Variants in GBP7 observed in about 807,000 individuals in gnomAD.
The protein encoded by GBP7 is guanylate-binding protein 7.
GBP7 carries 43 observed loss-of-function variants against 61.3 expected under a neutral mutation model. That is an observed-to-expected ratio of 0.70 (90% CI 0.55 to 0.91). GBP7 has a LOEUF of 0.91. Among genes scored for constraint, GBP7 ranks in the 40% least tolerant of loss-of-function variants. The probability of loss-of-function intolerance (pLI) is 0.00; values close to 1 mark genes in which losing one functional copy is unlikely to be tolerated. For missense variants in GBP7, 717 were observed against 740.5 expected, an observed-to-expected ratio of 0.97 and a Z score of 0.37; for synonymous variants, 267 against 271.0, an observed-to-expected ratio of 0.99 and a Z score of 0.14.
chr1:89,142,528 G>C (rs1681977745), intron 8 of GBP7, among the ~76,000 whole-genome samples: 1 of 152,192 alleles, frequency 6.6e-6, no homozygotes, highest in Admixed American at 6.6e-5. Context: ...TGGGATTATA[G>C]GTGTGAGCCA....
chr1:89,133,319 ATCT>A lies in GBP7; in HGVS notation c.1598_1600del (p.Lys533del). The A allele has an allele frequency of 1.2e-6, 2 of 1,613,652 alleles. No homozygotes were observed. Among genetic ancestry groups the A allele is most frequent in the African/African-American group, 1.3e-5 (1 of 74,896 alleles). Reference sequence around the variant, plus strand: ...CATATAGTTTTCCCTTTCCCTCTCCATCTTCTTCTTGAGTTGAGCTATGTTTTC... The same window carrying A: ...CATATAGTTTTCCCTTTCCCTCTCCATCTTCTTGAGTTGAGCTATGTTTTC... On this transcript the variant is annotated inframe_deletion, in exon 10 of 11. Transcript: ENST00000294671.
Position 89,132,406 on chromosome 1 carries a change from AT to A in GBP7, c.1663-4del. 1 of 1,575,048 alleles carries A rather than the reference AT, an allele frequency of 6.3e-7. No individual in the cohort carries two copies. The highest frequency in any genetic ancestry group is 1.2e-5 in the South Asian group (1 of 84,736). On this transcript the variant is annotated splice_region_variant and splice_polypyrimidine_tract_variant and intron_variant, in intron 10 of 10. Coordinates refer to ENST00000294671, the MANE Select transcript of GBP7 (RefSeq NM_207398.3). The stretch of plus-strand genomic sequence containing the variant: ...TCAGTAAGCAGTTCTTCTAGGACCT[AT>A]AAAAGTAAAAGAGCCTACTTTTGAA...
Position 89,132,414 on chromosome 1 carries a change from A to G in GBP7, c.1663-11T>C. On this transcript the variant is annotated splice_polypyrimidine_tract_variant and intron_variant, in intron 10 of 10. Coordinates refer to ENST00000294671, the MANE Select transcript of GBP7 (RefSeq NM_207398.3). ...CAGTTCTTCTAGGACCTATAAAAGT[A>G]AAAGAGCCTACTTTTGAAAATCCCC... The G allele has an allele frequency of 6.4e-7, 1 of 1,562,824 alleles. No homozygotes were observed. The highest frequency in any genetic ancestry group is 8.6e-7 in the Non-Finnish European group (1 of 1,162,044).
intron 5 of GBP7, among the ~76,000 whole-genome samples, chr1:89,150,957 G>A (rs879888985): frequency 9.9e-5 from 15 of 152,168 alleles, no homozygotes; most frequent in Middle Eastern, 3.4e-3. Flanking sequence ...TATTTAAGGC[G>A]TTATAACATG....
intron 2 of GBP7, 79 bp from the exon 3 acceptor site, chr1:89,164,937 G>C: frequency 1.4e-6 from 2 of 1,438,606 alleles, no homozygotes; most frequent in Non-Finnish European, 1.9e-6. Flanking sequence ...AAATGTATAG[G>C]AACGTTAAGT....
intron 5 of GBP7, among the ~76,000 whole-genome samples, chr1:89,151,461 A>G (rs1389117749): frequency 6.6e-6 from 1 of 152,194 alleles, no homozygotes; most frequent in East Asian, 1.9e-4. Flanking sequence ...GACGGAAAAT[A>G]CTCAGGTCAG....
At chr1:89,166,701 G>A (rs538765995) in intron 2 of GBP7, among the ~76,000 whole-genome samples, 15 of 152,364 alleles carry the variant, frequency 9.8e-5, no homozygotes, top group African/African-American at 3.6e-4. Flanking sequence ...ACTTTCCTGT[G>A]ATGGGAACTT....
Position 89,164,751 on chromosome 1 carries a change from C to G in GBP7, c.298G>C (p.Gly100Arg). 6.2e-7 allele frequency: 1 copy of G among 1,613,872 alleles called. No individual in the cohort carries two copies. The highest frequency in any genetic ancestry group is 8.5e-7 in the Non-Finnish European group (1 of 1,179,854). Residue 100 changes from glycine to arginine, a missense_variant, in exon 3 of 11, where the codon GGC becomes CGC. Physicochemically the swap from Gly to Arg is moderately radical, Grantham distance 125 (BLOSUM62 -2). Coordinates refer to ENST00000294671, the MANE Select transcript of GBP7 (RefSeq NM_207398.3). ...CTTACCTTTTCCATATCACCCAGGC[C>G]CTCCGTGTCCAGAAGGATCAGGGTG... ...NHTLILLDTE[G>R]LGDMEKSDPK...
intron 9 of GBP7, among the ~76,000 whole-genome samples, chr1:89,140,825 A>C (rs1232526815): frequency 6.6e-6 from 1 of 152,228 alleles, no homozygotes; most frequent in Non-Finnish European, 1.5e-5. Context: ...TGGACTGGAT[A>C]ATGAAAATGT....
At position 89,139,871 on chromosome 1, in the gene GBP7, G is replaced by T. The variant is rs560799573; in HGVS notation, c.1468+1675C>A. On this transcript the variant is annotated intron_variant, in intron 9 of 10. Coordinates refer to ENST00000294671, the MANE Select transcript of GBP7 (RefSeq NM_207398.3). ...ACTGTAAACTAGTTCAACCATTGTGGAAGTCAGTGTGGCGATTCCTCAGAG... is the reference window on the plus strand; with the variant it reads ...ACTGTAAACTAGTTCAACCATTGTGTAAGTCAGTGTGGCGATTCCTCAGAG... Among the ~76,000 whole-genome samples, 13 of 152,314 alleles carry T rather than the reference G, an allele frequency of 8.5e-5. No individual in the cohort carries two copies. The East Asian group carries it at 1.9e-3, about 23-fold the overall frequency.
chr1:89,154,592 C>T (rs1454165937), intron 3 of GBP7, among the ~76,000 whole-genome samples: 1 of 151,608 alleles, frequency 6.6e-6, no homozygotes, highest in Non-Finnish European at 1.5e-5. Context: ...GGTGATCCAC[C>T]CACCTTGGCC....
chr1:89,157,905 CA>C (rs966908190), intron 3 of GBP7, among the ~76,000 whole-genome samples: 7 of 151,870 alleles, frequency 4.6e-5, no homozygotes, highest in African/African-American at 1.5e-4. Context: ...GACACAACAG[CA>C]AAAAAAGAGA....
At chr1:89,159,128 A>T (rs914927258) in intron 3 of GBP7, among the ~76,000 whole-genome samples, 2 of 152,250 alleles carry the variant, frequency 1.3e-5, no homozygotes, top group African/African-American at 4.8e-5. Flanking sequence ...TCCCTATTTG[A>T]TAAATGGTGC....
chr1:89,169,897 TC>T (rs1476092445), intron 2 of GBP7, among the ~76,000 whole-genome samples: 2 of 152,250 alleles, frequency 1.3e-5, no homozygotes, highest in Non-Finnish European at 2.9e-5. Flanking sequence ...GCCTTCTTTT[TC>T]ACTTGACAGG....
chr1:89,136,887 A>G (rs934071016), intron 9 of GBP7, among the ~76,000 whole-genome samples: 17 of 152,082 alleles, frequency 1.1e-4, no homozygotes, highest in African/African-American at 3.9e-4. Flanking sequence ...AAAAATACAT[A>G]AGATGGATAT....
chr1:89,174,260 G>A (rs1253161116), intron 1 of GBP7, among the ~76,000 whole-genome samples: 2 of 152,216 alleles, frequency 1.3e-5, no homozygotes, highest in Middle Eastern at 3.4e-3. Flanking sequence ...GTAATTTCAG[G>A]ATAGAGTCCT....
At chr1:89,136,615 C>G (rs1269972723) in intron 9 of GBP7, among the ~76,000 whole-genome samples, 1 of 152,010 alleles carries the variant, frequency 6.6e-6, no homozygotes, top group Non-Finnish European at 1.5e-5. Context: ...TTAATGAAAA[C>G]AAAGATACAA....
chr1:89,145,952 A>C (rs1048856913), intron 8 of GBP7, among the ~76,000 whole-genome samples: 1 of 152,176 alleles, frequency 6.6e-6, no homozygotes, highest in African/African-American at 2.4e-5. Context: ...GTGTTTTTTC[A>C]CAGCAGTAAG....
chr1:89,132,586 C>T (rs1169986399), intron 10 of GBP7, among the ~76,000 whole-genome samples, 183 bp from the exon 11 acceptor site: 1 of 152,164 alleles, frequency 6.6e-6, no homozygotes, highest in Non-Finnish European at 1.5e-5. Context: ...ATGATATACA[C>T]CTTTGTGACA....
Sources: gnomAD v4.1 joint callset for allele counts (sites outside exome capture counted in the v4.1 genomes callset) on GRCh38, gnomAD v4.1.1 for gene constraint, MANE v1.5 for transcripts, NCBI Gene and HGNC (gene_info 2026-07-23, HGNC 2026-07-21) for gene names.